The following RAB3C variants were observed in gnomAD, a reference collection of about 807,000 sequenced individuals.
The protein encoded by RAB3C is ras-related protein Rab-3C.
A neutral mutation model predicts 26.4 loss-of-function variants in RAB3C; 17 were observed. The observed-to-expected ratio is 0.64, with a 90% CI of 0.44 to 0.97. RAB3C has a LOEUF of 0.97. RAB3C is among the 50% of genes least tolerant of loss of function. The probability of loss-of-function intolerance (pLI) is 0.00; values close to 1 mark genes in which losing one functional copy is unlikely to be tolerated. For missense variants in RAB3C, 242 were observed against 281.9 expected (o/e 0.86, Z 1.01); for synonymous variants, 91 against 95.9 (o/e 0.95, Z 0.30).
chr5:58,850,113 A>G (rs1744083201), intron 4 of RAB3C, among the ~76,000 whole-genome samples: 1 of 152,210 alleles, frequency 6.6e-6, no homozygotes, highest in Admixed American at 6.5e-5. Context: ...GGAGGTTGTC[A>G]TGGCAACTGA....
rs1031648298 is a variant in RAB3C, at chr5:58,857,230, C to G, written c.*5879C>G. ...TTGTAGCTGTATTTGTCTAGTGGTG[C>G]AATTTATACAGTAAATATCTTATTG... On this transcript the variant is annotated 3_prime_UTR_variant, in exon 5 of 5. Transcript: ENST00000282878. 6.6e-6 allele frequency: 1 copy of G among 152,086 alleles called. No individual in the cohort carries two copies. The highest frequency in any genetic ancestry group is 2.4e-5 in the African/African-American group (1 of 41,424). 9.4% of individuals were successfully genotyped at this position (152,086 alleles called of 1,614,324 possible).
intron 2 of RAB3C, among the ~76,000 whole-genome samples, chr5:58,688,084 T>G (rs937436327): frequency 6.6e-6 from 1 of 152,134 alleles, no homozygotes; most frequent in African/African-American, 2.4e-5. Flanking sequence ...CAAAAATCAT[T>G]TTACTTGGTG....
chr5:58,787,793 G>C (rs1002420653), intron 3 of RAB3C, among the ~76,000 whole-genome samples: 8 of 151,982 alleles, frequency 5.3e-5, no homozygotes, highest in Admixed American at 5.2e-4. Flanking sequence ...CTAGGTCGGC[G>C]GGAATGACAC....
chr5:58,668,097 A>G (rs1748037825), intron 2 of RAB3C, among the ~76,000 whole-genome samples: 1 of 152,186 alleles, frequency 6.6e-6, no homozygotes, highest in African/African-American at 2.4e-5. Flanking sequence ...GATATATAAC[A>G]TAGCTTACCC....
intron 2 of RAB3C, among the ~76,000 whole-genome samples, chr5:58,624,152 A>C (rs1286053422): frequency 3.9e-5 from 6 of 152,194 alleles, no homozygotes; most frequent in Non-Finnish European, 8.8e-5. Flanking sequence ...GCACTGTGCC[A>C]GGCATTGGAC....
At position 58,587,060 on chromosome 5, in the gene RAB3C, TCTTC is replaced by T. The variant is rs576779151; in HGVS notation, c.24+3832_24+3835del. Among the ~76,000 whole-genome samples the T allele has an allele frequency of 3.7e-3, 559 of 152,248 alleles. 3 individuals carry two copies. Among genetic ancestry groups the T allele is most frequent in the African/African-American group, 0.013 (525 of 41,566 alleles). On this transcript the variant is annotated intron_variant, in intron 1 of 4. Transcript: ENST00000282878. ...AATTGACTTTAGAGAAATGAGAAAT[TCTTC>T]CTTACTCCATTTGGGCTAATTGCTC...
intron 4 of RAB3C, among the ~76,000 whole-genome samples, chr5:58,833,255 G>A (rs1356410644): frequency 2.0e-5 from 3 of 151,380 alleles, no homozygotes; most frequent in Admixed American, 6.6e-5. Context: ...CCTAAAGCAG[G>A]GGTTCCCCAC....
At chr5:58,677,212 C>T (rs1349971544) in intron 2 of RAB3C, among the ~76,000 whole-genome samples, 1 of 152,172 alleles carries the variant, frequency 6.6e-6, no homozygotes, top group Non-Finnish European at 1.5e-5. Flanking sequence ...ACCCATCCTA[C>T]TTAGATATAA....
chr5:58,612,258 G>A (rs532865419), intron 1 of RAB3C, among the ~76,000 whole-genome samples: 1 of 151,612 alleles, frequency 6.6e-6, no homozygotes, highest in Non-Finnish European at 1.5e-5. Flanking sequence ...TTTTTTTCTA[G>A]TTCTGTGAAG....
chr5:58,686,933 T>C (rs1370494052), intron 2 of RAB3C, among the ~76,000 whole-genome samples: 4 of 151,888 alleles, frequency 2.6e-5, no homozygotes, highest in South Asian at 4.2e-4. Flanking sequence ...TTACCAACTT[T>C]GATACAAGCC....
intron 3 of RAB3C, among the ~76,000 whole-genome samples, chr5:58,800,793 C>T (rs1007157048): frequency 6.6e-6 from 1 of 152,176 alleles, no homozygotes; most frequent in Non-Finnish European, 1.5e-5. Context: ...CCAAGTGTAG[C>T]TCAGAGTGAC....
intron 2 of RAB3C, among the ~76,000 whole-genome samples, chr5:58,668,048 G>A (rs1748036759): frequency 1.3e-5 from 2 of 152,122 alleles, no homozygotes; most frequent in South Asian, 4.1e-4. Context: ...GAGAATCTGG[G>A]TTGAGTAGAC....
At chr5:58,624,704 C>T (rs1218867169) in intron 2 of RAB3C, among the ~76,000 whole-genome samples, 2 of 152,066 alleles carry the variant, frequency 1.3e-5, no homozygotes, top group Non-Finnish European at 2.9e-5. Context: ...TACCAAAGAG[C>T]AATGTACAGT....
intron 2 of RAB3C, among the ~76,000 whole-genome samples, chr5:58,692,431 G>T (rs1291367355): frequency 6.6e-6 from 1 of 151,896 alleles, no homozygotes; most frequent in African/African-American, 2.4e-5. Context: ...TTTGCCAGTA[G>T]CTGGGATTTT....
At chr5:58,718,003 T>C (rs1361738820) in intron 2 of RAB3C, among the ~76,000 whole-genome samples, 2 of 152,106 alleles carry the variant, frequency 1.3e-5, no homozygotes, top group African/African-American at 4.8e-5. Flanking sequence ...AAGCCTGTTA[T>C]CCTTTAAAAC....
At chr5:58,758,757 C>T (rs1182675206) in intron 3 of RAB3C, among the ~76,000 whole-genome samples, 1 of 152,134 alleles carries the variant, frequency 6.6e-6, no homozygotes, top group Non-Finnish European at 1.5e-5. Context: ...AACATAGAGG[C>T]CAGTGATTAC....
chr5:58,658,545 T>C (rs1747830349), intron 2 of RAB3C, among the ~76,000 whole-genome samples: 1 of 152,202 alleles, frequency 6.6e-6, no homozygotes, highest in Admixed American at 6.5e-5. Flanking sequence ...GATAAAAACA[T>C]TCCTTATTGT....
intron 2 of RAB3C, among the ~76,000 whole-genome samples, chr5:58,701,432 T>C (rs1748840389): frequency 6.6e-6 from 1 of 152,222 alleles, no homozygotes; most frequent in African/African-American, 2.4e-5. Flanking sequence ...AGTTTACTTA[T>C]CTCTCCCAGG....
At chr5:58,845,309 G>T (rs1305803370) in intron 4 of RAB3C, among the ~76,000 whole-genome samples, 1 of 152,060 alleles carries the variant, frequency 6.6e-6, no homozygotes, top group Non-Finnish European at 1.5e-5. Context: ...GGCAAATCAG[G>T]CCTGCGCCAC....
Sources: allele counts gnomAD v4.1 joint callset (sites outside exome capture counted in the v4.1 genomes callset), GRCh38; gene constraint gnomAD v4.1.1; transcripts MANE v1.5; gene names NCBI Gene and HGNC (gene_info 2026-07-23, HGNC 2026-07-21).